The following CYP4F11 variants were observed in gnomAD, a reference collection of about 807,000 sequenced individuals.
The protein encoded by CYP4F11 is cytochrome P450 4F11.
Under a neutral mutation model 62.2 loss-of-function variants are expected in CYP4F11, and 79 were observed. That is an observed-to-expected ratio of 1.27 (90% CI 1.06 to 1.53). The LOEUF (loss-of-function observed/expected upper bound fraction) is 1.53, where lower values mean the gene tolerates loss of function less well. Among genes scored for constraint, CYP4F11 ranks in the 40% most tolerant of loss-of-function variants. CYP4F11 has a pLI of 0.00. For synonymous variants in CYP4F11, 290 were observed against 263.7 expected (o/e 1.10, Z -0.97); for missense variants, 777 against 680.5 (o/e 1.14, Z -1.58).
chr19:15,934,147 A>T (rs2089756415), intron 1 of CYP4F11, 64 bp downstream of exon 1: 1 of 1,571,380 alleles, frequency 6.4e-7, no homozygotes, highest in African/African-American at 1.4e-5. Flanking sequence ...CCTGAGCCCC[A>T]TTCCTGCCCC....
At chr19:15,931,347 G>A (rs2089714423) in intron 1 of CYP4F11, among the ~76,000 whole-genome samples, 1 of 151,838 alleles carries the variant, frequency 6.6e-6, no homozygotes. Flanking sequence ...GACTCAGGAG[G>A]CCTCAAGTCC....
intron 2 of CYP4F11, 108 bp from the exon 3 acceptor site, chr19:15,927,591 A>G (rs946405659): frequency 6.9e-7 from 1 of 1,459,414 alleles, no homozygotes; most frequent in African/African-American, 1.4e-5. Flanking sequence ...CATCCCACCC[A>G]GCATAGCAGG....
Position 15,913,605 on chromosome 19 carries a change from C to A in CYP4F11, c.*127G>T. The A allele has an allele frequency of 1.6e-6, 2 of 1,253,108 alleles. No individual in the cohort carries two copies. The highest frequency in any genetic ancestry group is 2.8e-5 in the South Asian group (2 of 71,748). 77.6% of individuals were successfully genotyped at this position (1,253,108 alleles called of 1,614,324 possible). A position where few individuals can be genotyped will look rare whatever the true frequency, so the allele number is the denominator to read the frequency against. On this transcript the variant is annotated 3_prime_UTR_variant, in exon 12 of 12. Transcript: ENST00000402119. ...AGACGTCACCCTGCCTCCACCCACTCACCTCCCTTTCTTAGATCCCACCAG... is the reference window on the plus strand; with the variant it reads ...AGACGTCACCCTGCCTCCACCCACTAACCTCCCTTTCTTAGATCCCACCAG...
intron 1 of CYP4F11, among the ~76,000 whole-genome samples, 195 bp downstream of exon 1, chr19:15,934,016 G>GTGATCGGGGAGAGGAA (rs2089753887): frequency 1.7e-5 from 2 of 114,484 alleles, no homozygotes; most frequent in African/African-American, 6.1e-5. Flanking sequence ...AGAGGAATGA[G>GTGATCGGGGAGAGGAA]TGAGTGGGCA....
intron 6 of CYP4F11, among the ~76,000 whole-genome samples, chr19:15,922,871 T>C (rs2089639512): frequency 6.8e-6 from 1 of 147,978 alleles, no homozygotes; most frequent in Non-Finnish European, 1.5e-5. Context: ...CTGACCAACA[T>C]GGAGAAACCC....
At position 15,927,207 on chromosome 19, in the gene CYP4F11, C is replaced by T. The variant is rs574564590; in HGVS notation, c.525+5G>A. The T allele has an allele frequency of 4.1e-4, 662 of 1,613,272 alleles. 11 individuals are homozygous for T. The South Asian group carries it at 7.0e-3, about 17-fold the overall frequency. ...CAGCTGGGACCCAGAGTTCAAGGGA[C>T]TCACGTGCATGATGTTCACACTCTT... On this transcript the variant is annotated splice_donor_5th_base_variant and intron_variant, in intron 4 of 11. Transcript: ENST00000402119.
At position 15,922,410 on chromosome 19, in the gene CYP4F11, C is replaced by T. The variant is rs1040019449; in HGVS notation, c.939G>A (p.Leu313=). Residue 313 remains leucine, a synonymous_variant, in exon 7 of 12, where the codon TTG becomes TTA. Transcript: ENST00000402119. ...LLSKDEDGKE[L]SDEDIRAEAD... ...CTTCTGCTCTTATGTCCTCATCAGA[C>T]AATTCCTTCCCATCTTCATCCTGGA... 7 of 1,614,066 alleles carry T rather than the reference C, an allele frequency of 4.3e-6. No individual in the cohort carries two copies. Among genetic ancestry groups the T allele is most frequent in the Non-Finnish European group, 4.2e-6 (5 of 1,180,016 alleles).
At chr19:15,929,259 G>A (rs1198876332) in intron 2 of CYP4F11, among the ~76,000 whole-genome samples, 198 bp downstream of exon 2, 1 of 152,208 alleles carries the variant, frequency 6.6e-6, no homozygotes, top group East Asian at 1.9e-4. Context: ...CACAAAGGCA[G>A]AGAGAGATGG....
intron 1 of CYP4F11, among the ~76,000 whole-genome samples, chr19:15,933,885 A>C (rs62104255): frequency 4.4e-4 from 2 of 4,580 alleles, no homozygotes; most frequent in Non-Finnish European, 1.0e-3. Flanking sequence ...AGTGAGCGAG[A>C]AGAGGAATGA....
chr19:15,929,680 C>T (rs1169430419), intron 1 of CYP4F11, 79 bp from the exon 2 acceptor site: 5 of 1,487,328 alleles, frequency 3.4e-6, no homozygotes, highest in African/African-American at 1.4e-5. Context: ...TTCCACGTGA[C>T]CGAGCCAAGA....
chr19:15,933,923 G>A (rs374650393), intron 1 of CYP4F11, among the ~76,000 whole-genome samples: 89 of 138,060 alleles, frequency 6.4e-4, no homozygotes, highest in African/African-American at 2.0e-3. Flanking sequence ...TGAGTGAGCG[G>A]GGAGAGGAAT....
chr19:15,919,387 A>C (rs1288958605), intron 8 of CYP4F11, among the ~76,000 whole-genome samples: 1 of 151,236 alleles, frequency 6.6e-6, no homozygotes, highest in Non-Finnish European at 1.5e-5. Flanking sequence ...AAGAAGGATG[A>C]ATAGATAGGA....
Position 15,927,225 on chromosome 19 carries a change from A to C in CYP4F11, c.512T>G (p.Val171Gly). The C allele has an allele frequency of 6.2e-7, 1 of 1,614,050 alleles. No individual in the cohort carries two copies. The highest frequency in any genetic ancestry group is 8.5e-7 in the Non-Finnish European group (1 of 1,179,962). The change falls in exon 4 of 12, where the codon GTG (valine) becomes GGG (glycine). Residue 171 changes from valine to glycine, a missense_variant. Transcript: ENST00000402119. ...CAAGGGACTCACGTGCATGATGTTCACACTCTTGTTGAAAATCTTCATATA... is the reference window on the plus strand; with the variant it reads ...CAAGGGACTCACGTGCATGATGTTCCCACTCTTGTTGAAAATCTTCATATA... ...KPYMKIFNKSVNIMHDKWQRL... is the reference protein window; with the variant it reads ...KPYMKIFNKSGNIMHDKWQRL...
rs73928264 is a variant in CYP4F11 at position 15,914,704 on chromosome 19, C to T, written c.1250-38G>A. 1.9e-3 allele frequency: 3,003 copies of T among 1,614,004 alleles called. 34 individuals carry two copies. The African/African-American group carries it at 0.032, about 17-fold the overall frequency. Reference sequence around the variant, plus strand: ...AGAGGGCAGTCAGGACAAGGCCCCCCTGCCTGAGGGACCCCTCTTGCTACC... The same window carrying T: ...AGAGGGCAGTCAGGACAAGGCCCCCTTGCCTGAGGGACCCCTCTTGCTACC... On this transcript the variant is annotated intron_variant, in intron 9 of 11. Transcript: ENST00000402119.
At chr19:15,913,963 C>A in intron 11 of CYP4F11, 54 bp from the exon 12 acceptor site, 1 of 1,567,918 alleles carries the variant, frequency 6.4e-7, no homozygotes, top group East Asian at 2.3e-5. Context: ...ATCCCGGCCC[C>A]ATCATGCTTA....
intron 8 of CYP4F11, 27 bp downstream of exon 8, chr19:15,922,010 C>G: frequency 6.5e-7 from 1 of 1,544,094 alleles, no homozygotes; most frequent in South Asian, 1.3e-5. Context: ...GACAAAAGAT[C>G]AGGAACAGGC....
Position 15,914,803 on chromosome 19 carries a change from G to T in CYP4F11, c.1208C>A (p.Thr403Lys). 1.2e-6 allele frequency: 2 copies of T among 1,614,154 alleles called. No homozygotes were observed. The highest frequency in any genetic ancestry group is 1.7e-6 in the Non-Finnish European group (2 of 1,180,034). ...PPVPVISRCC[T>K]QDFVLPDGRV... ...GCCGTCTGGGAGCACAAAGTCCTGC[G>T]TGCAACATCGGGAGATGACCGGGAC... The change falls in exon 9 of 12, where the codon ACG (threonine) becomes AAG (lysine). Residue 403 changes from threonine (T) to lysine (K), a missense_variant. Physicochemically the swap from Thr to Lys is moderately conservative, Grantham distance 78. Transcript: ENST00000402119.
chr19:15,931,307 G>T (rs2089713933), intron 1 of CYP4F11, among the ~76,000 whole-genome samples: 1 of 151,926 alleles, frequency 6.6e-6, no homozygotes, highest in African/African-American at 2.4e-5. Flanking sequence ...CAAGCAAATG[G>T]GCCAGGCAGG....
chr19:15,931,543 G>GGAGAGGAATGAGTGAGTGA lies in CYP4F11; in HGVS notation c.199-1943_199-1942insTCACTCACTCATTCCTCTC, dbSNP rs1568257268. Among the ~76,000 whole-genome samples, 193 of 68,804 alleles carry GGAGAGGAATGAGTGAGTGA rather than the reference G, an allele frequency of 2.8e-3. 30 individuals are homozygous for GGAGAGGAATGAGTGAGTGA. Among genetic ancestry groups the GGAGAGGAATGAGTGAGTGA allele is most frequent in the Admixed American group, 5.8e-3 (38 of 6,594 alleles). 45.1% of individuals were successfully genotyped at this position (68,804 alleles called of 152,430 possible). On this transcript the variant is annotated intron_variant, in intron 1 of 11. Transcript: ENST00000402119. ...GGCACATCAGAGGAATGAGTGAGCGGGGAGAGGAATGAGTGAGCGAGGAGA... is the reference window on the plus strand; with the variant it reads ...GGCACATCAGAGGAATGAGTGAGCGGGAGAGGAATGAGTGAGTGAGGAGAGGAATGAGTGAGCGAGGAGA...
Sources: allele counts gnomAD v4.1 joint callset (sites outside exome capture counted in the v4.1 genomes callset), GRCh38; gene constraint gnomAD v4.1.1; transcripts MANE v1.5; gene names NCBI Gene and HGNC (gene_info 2026-07-23, HGNC 2026-07-21).